The following CBL variants were observed in gnomAD, a reference collection of about 807,000 sequenced individuals.
The protein encoded by CBL is E3 ubiquitin-protein ligase CBL.
In CBL, 45 loss-of-function variants were observed where a neutral mutation model predicts 96.9. The ratio of observed to expected loss-of-function variants is 0.46; its 90% CI spans 0.37 to 0.60. CBL has a LOEUF of 0.60. CBL is among the 20% of genes least tolerant of loss of function. The probability of loss-of-function intolerance (pLI) is 0.00; values close to 1 mark genes in which losing one functional copy is unlikely to be tolerated. For missense variants in CBL, 1,024 were observed against 1,143.5 expected (o/e 0.90, Z 1.51); for synonymous variants, 420 against 426.8 (o/e 0.98, Z 0.20).
Position 119,300,671 on chromosome 11 carries a change from G to A in CBL, c.*890G>A, listed in dbSNP as rs1950095605. The stretch of plus-strand genomic sequence containing the variant: ...TGATTATCCTAATTACATAATGACC[G>A]ATTTGAGATAGAGGCCTTTAAATAC... On this transcript the variant is annotated 3_prime_UTR_variant, in exon 16 of 16. Transcript: ENST00000264033. 1.8e-5 allele frequency: 7 copies of A among 398,068 alleles called. No individual in the cohort carries two copies. Among genetic ancestry groups the A allele is most frequent in the Middle Eastern group, 1.2e-3 (2 of 1,610 alleles). 24.7% of individuals were successfully genotyped at this position (398,068 alleles called of 1,614,324 possible).
intron 1 of CBL, among the ~76,000 whole-genome samples, chr11:119,219,077 A>T (rs1393236502): frequency 6.6e-6 from 1 of 152,110 alleles, no homozygotes; most frequent in Non-Finnish European, 1.5e-5. Context: ...TTGAAGAAGC[A>T]AAAAGAAATT....
chr11:119,295,166 A>G (rs1950055412), intron 12 of CBL, among the ~76,000 whole-genome samples: 1 of 152,200 alleles, frequency 6.6e-6, no homozygotes. Context: ...GTATTTATTC[A>G]GTACATTATT....
intron 1 of CBL, among the ~76,000 whole-genome samples, chr11:119,226,028 C>T (rs1592374546): frequency 6.6e-6 from 1 of 152,280 alleles, no homozygotes; most frequent in East Asian, 1.9e-4. Flanking sequence ...CGCATCTGGC[C>T]TAAATATTTT....
intron 2 of CBL, among the ~76,000 whole-genome samples, chr11:119,261,217 A>G (rs1949751549): frequency 6.6e-6 from 1 of 151,972 alleles, no homozygotes; most frequent in Non-Finnish European, 1.5e-5. Flanking sequence ...CCTGGCCTCT[A>G]GATTCTTTTC....
chr11:119,266,284 A>G (rs995701812), intron 2 of CBL, among the ~76,000 whole-genome samples: 3 of 152,214 alleles, frequency 2.0e-5, no homozygotes, highest in Non-Finnish European at 4.4e-5. Flanking sequence ...AGTATTCTAT[A>G]TAGTAGTGAC....
intron 11 of CBL, among the ~76,000 whole-genome samples, chr11:119,286,441 A>G (rs1162296220): frequency 6.6e-6 from 1 of 152,236 alleles, no homozygotes; most frequent in Non-Finnish European, 1.5e-5. Flanking sequence ...CAGATAGGGC[A>G]ATCATGAGAA....
intron 2 of CBL, among the ~76,000 whole-genome samples, chr11:119,270,436 ATT>A (rs869150071): frequency 1.4e-3 from 55 of 38,624 alleles, no homozygotes; most frequent in African/African-American, 5.8e-3. Context: ...ATATATATAT[ATT>A]TTTTTTTTTT....
chr11:119,268,931 C>T (rs1374675068), intron 2 of CBL, among the ~76,000 whole-genome samples: 4 of 152,170 alleles, frequency 2.6e-5, no homozygotes, highest in Non-Finnish European at 4.4e-5. Context: ...TCTTCACACA[C>T]ATAGTAGGTT....
rs528713384 is a variant in CBL at position 119,224,146 on chromosome 11, A to G, written c.196-8302A>G. ...GTGACATGCTAAAGAAGGACAAATA[A>G]CACTTGTGGAGGGGACATGGTACTA... On this transcript the variant is annotated intron_variant, in intron 1 of 15. Coordinates refer to ENST00000264033, the MANE Select transcript of CBL (RefSeq NM_005188.4). Among the ~76,000 whole-genome samples the G allele has an allele frequency of 5.9e-5, 9 of 152,298 alleles. No homozygotes were observed. The South Asian group carries it at 1.9e-3, about 32-fold the overall frequency.
rs535279892 is a variant in CBL at position 119,216,994 on chromosome 11, T to C, written c.195+10382T>C. ...AAGACTGACAAGTAAGAACTAATAA[T>C]TTGTTATATTGTAGAGCAGTTTACA... On this transcript the variant is annotated intron_variant, in intron 1 of 15. Coordinates refer to ENST00000264033, the MANE Select transcript of CBL (RefSeq NM_005188.4). 2.6e-5 allele frequency among the ~76,000 whole-genome samples: 4 copies of C among 152,352 alleles called. No individual in the cohort carries two copies. In the East Asian group the frequency reaches 7.7e-4, roughly 29 times the overall value.
intron 2 of CBL, among the ~76,000 whole-genome samples, chr11:119,243,320 G>A (rs1215894923): frequency 6.6e-6 from 1 of 151,890 alleles, no homozygotes; most frequent in African/African-American, 2.4e-5. Context: ...TAAGTTCACT[G>A]GTAGGATATT....
chr11:119,257,011 G>T (rs774104430), intron 2 of CBL, among the ~76,000 whole-genome samples: 6 of 152,162 alleles, frequency 3.9e-5, no homozygotes, highest in Non-Finnish European at 7.3e-5. Context: ...TCTTACAGTT[G>T]TGCATTGTGC....
rs1228647759 is a variant in CBL, at chr11:119,307,162, C to A, written c.*7381C>A. The A allele has an allele frequency of 1.3e-5, 3 of 231,974 alleles. No homozygotes were observed. The East Asian group carries it at 1.8e-4, about 14-fold the overall frequency. The allele number at this position is 231,974 out of a possible 1,614,324, so 14.4% of individuals were successfully genotyped here. A position where few individuals can be genotyped will look rare whatever the true frequency, so the allele number is the denominator to read the frequency against. The stretch of plus-strand genomic sequence containing the variant: ...GTCCCTTTCCCCTGCTGTGAGACTT[C>A]AGTGGAGGAGAGAAGCATTGTACCC... On this transcript the variant is annotated 3_prime_UTR_variant, in exon 16 of 16. Coordinates refer to ENST00000264033, the MANE Select transcript of CBL (RefSeq NM_005188.4).
Position 119,304,738 on chromosome 11 carries a change from G to A in CBL, c.*4957G>A, listed in dbSNP as rs1436769753. The A allele has an allele frequency of 5.1e-6, 1 of 197,912 alleles. No individual in the cohort carries two copies. The highest frequency in any genetic ancestry group is 1.0e-5 in the Non-Finnish European group (1 of 95,878). 12.3% of individuals were successfully genotyped at this position (197,912 alleles called of 1,614,324 possible). ...GCCTCCCAGGTTCAAGCAGTTCTCT[G>A]CCTCAACCTCCCGAGTAGCTGGGAT... is the stretch of plus-strand genomic sequence containing the variant. On this transcript the variant is annotated 3_prime_UTR_variant, in exon 16 of 16. Transcript: ENST00000264033.
chr11:119,231,941 A>G (rs1949505019), intron 1 of CBL, among the ~76,000 whole-genome samples: 1 of 151,810 alleles, frequency 6.6e-6, no homozygotes, highest in African/African-American at 2.4e-5. Flanking sequence ...CTAAAAAAAA[A>G]AAAAACAACA....
rs200220863 is a variant in CBL at position 119,298,466 on chromosome 11, G to A, written c.2360G>A (p.Arg787His). The change falls in exon 15 of 16, where the codon CGC becomes CAC. Residue 787 changes from arginine to histidine, a missense_variant. Physicochemically the swap from Arg to His is conservative, Grantham distance 29. Coordinates refer to ENST00000264033, the MANE Select transcript of CBL (RefSeq NM_005188.4). Reference protein sequence around the residue: ...PKPPVPAVLARRTLSDISNAS... With the variant: ...PKPPVPAVLAHRTLSDISNAS... The stretch of plus-strand genomic sequence containing the variant: ...CCACCTGTGCCGGCCGTGCTGGCCC[G>A]CCGAACTCTCTCAGATATCTCTAAT... The A allele has an allele frequency of 4.3e-5, 69 of 1,614,162 alleles. No individual in the cohort carries two copies. The African/African-American group carries it at 5.2e-4, about 12-fold the overall frequency.
intron 1 of CBL, among the ~76,000 whole-genome samples, chr11:119,221,619 T>C (rs1339923279): frequency 6.6e-6 from 1 of 151,886 alleles, no homozygotes; most frequent in Admixed American, 6.6e-5. Flanking sequence ...TACAAAAAAA[T>C]TAGCCAGGCG....
rs532837579 is a variant in CBL, at chr11:119,244,581, A to ATTT, written c.443+11902_443+11904dup. Among the ~76,000 whole-genome samples, 271 of 104,398 alleles carry ATTT rather than the reference A, an allele frequency of 2.6e-3. 37 individuals are homozygous for ATTT. The South Asian group carries it at 0.095, about 37-fold the overall frequency. The allele number at this position is 104,398 out of a possible 152,430, so 68.5% of individuals were successfully genotyped here. A position where few individuals can be genotyped will look rare whatever the true frequency, so the allele number is the denominator to read the frequency against. On this transcript the variant is annotated intron_variant, in intron 2 of 15. Coordinates refer to ENST00000264033, the MANE Select transcript of CBL (RefSeq NM_005188.4). ...AGGTGCATGCTACCATGCCCGGCTA[A>ATTT]TTTTTTTTTTTTTTTTTTGAGACGG... is the stretch of plus-strand genomic sequence containing the variant.
At chr11:119,214,005 C>T (rs1364454823) in intron 1 of CBL, among the ~76,000 whole-genome samples, 2 of 152,192 alleles carry the variant, frequency 1.3e-5, no homozygotes, top group East Asian at 3.9e-4. Context: ...AGTGCAGTTG[C>T]GTAGTCTTGG....
Sources: gnomAD v4.1 joint callset for allele counts (sites outside exome capture counted in the v4.1 genomes callset) on GRCh38, gnomAD v4.1.1 for gene constraint, MANE v1.5 for transcripts, NCBI Gene and HGNC (gene_info 2026-07-23, HGNC 2026-07-21) for gene names.